Variants in CFAP206 observed in about 807,000 individuals in gnomAD.
CFAP206 encodes the protein cilia- and flagella-associated protein 206.
Under a neutral mutation model 65.4 loss-of-function variants are expected in CFAP206, and 53 were observed. The observed-to-expected ratio is 0.81, with a 90% confidence interval of 0.65 to 1.02. CFAP206 has a LOEUF of 1.02. Among genes scored for constraint, CFAP206 ranks in the 50% least tolerant of loss-of-function variants. CFAP206 has a pLI of 0.00. For missense variants in CFAP206, 663 were observed against 753.2 expected (o/e 0.88, Z 1.40); for synonymous variants, 250 against 254.4 (o/e 0.98, Z 0.17).
chr6:87,457,169 A>G (rs1002059647), intron 11 of CFAP206, among the ~76,000 whole-genome samples: 3 of 150,698 alleles, frequency 2.0e-5, no homozygotes, highest in African/African-American at 4.9e-5. Context: ...AAAAAAAAGA[A>G]AAGAAATTGA....
chr6:87,463,022 T>C (rs568643463), intron 12 of CFAP206, among the ~76,000 whole-genome samples: 313 of 152,316 alleles, frequency 2.1e-3, no homozygotes, highest in Non-Finnish European at 3.3e-3. Flanking sequence ...TTCCAATGAC[T>C]GAGGTGGACT....
chr6:87,442,152 T>C, intron 11 of CFAP206: 1 of 157,604 alleles, frequency 6.3e-6, no homozygotes, highest in East Asian at 1.9e-4. Context: ...TCCATCATCG[T>C]GAGACTAGAG....
intron 8 of CFAP206, among the ~76,000 whole-genome samples, chr6:87,427,274 A>G (rs1768058793): frequency 6.6e-6 from 1 of 152,106 alleles, no homozygotes; most frequent in Non-Finnish European, 1.5e-5. Flanking sequence ...AGTAGCTGGG[A>G]CTACAGGCGC....
At chr6:87,433,780 TA>T (rs1218017671) in intron 10 of CFAP206, among the ~76,000 whole-genome samples, 1 of 152,102 alleles carries the variant, frequency 6.6e-6, no homozygotes, top group Non-Finnish European at 1.5e-5. Flanking sequence ...TTTAGCAAAA[TA>T]AAAGCATAAC....
At chr6:87,449,515 T>C (rs971125682) in intron 11 of CFAP206, among the ~76,000 whole-genome samples, 1 of 151,934 alleles carries the variant, frequency 6.6e-6, no homozygotes, top group Non-Finnish European at 1.5e-5. Context: ...GTCTTTTTTA[T>C]AATAGGCATT....
chr6:87,427,374 C>T lies in CFAP206; in HGVS notation c.960+729C>T, dbSNP rs183759101. Among the ~76,000 whole-genome samples, 420 of 152,230 alleles carry T rather than the reference C, an allele frequency of 2.8e-3. 2 individuals are homozygous for T. Among genetic ancestry groups the T allele is most frequent in the Non-Finnish European group, 3.6e-3 (244 of 68,008 alleles). Reference sequence around the variant, plus strand: ...CAGGATGGTCTTGATCTCCTGACCTCGTGATCTGCCCGCCTCGGCCTCCCA... The same window carrying T: ...CAGGATGGTCTTGATCTCCTGACCTTGTGATCTGCCCGCCTCGGCCTCCCA... On this transcript the variant is annotated intron_variant, in intron 8 of 12. Transcript: ENST00000369562.
intron 8 of CFAP206, 118 bp downstream of exon 8, chr6:87,426,763 T>C (rs1768050521): frequency 1.2e-6 from 1 of 837,448 alleles, no homozygotes; most frequent in Non-Finnish European, 1.6e-6. Context: ...TTTGTATAAA[T>C]TGATCCTGTT....
At position 87,415,844 on chromosome 6, in the gene CFAP206, A is replaced by G. The variant is rs139103552; in HGVS notation, c.442A>G (p.Thr148Ala). 8.7e-6 allele frequency: 14 copies of G among 1,604,028 alleles called. No homozygotes were observed. In the African/African-American group the frequency reaches 1.2e-4, roughly 14 times the overall value. The change falls in exon 5 of 13, where the codon ACA becomes GCA. Residue 148 changes from threonine (T) to alanine (A), a missense_variant. Coordinates refer to ENST00000369562, the MANE Select transcript of CFAP206 (RefSeq NM_001031743.3). ...ACTCCGCTCTGGCCTTGGATCCCCT[A>G]CAGACATCAAGACTGTCAGAGAGGT... is the stretch of plus-strand genomic sequence containing the variant. ...VLLRSGLGSP[T>A]DIKTVREVTA...
intron 11 of CFAP206, among the ~76,000 whole-genome samples, chr6:87,445,827 T>G (rs1415313575): frequency 6.6e-6 from 1 of 152,212 alleles, no homozygotes; most frequent in African/African-American, 2.4e-5. Flanking sequence ...CCACTAACTA[T>G]AAAAGCATTG....
At chr6:87,435,271 T>C (rs1768239186) in intron 11 of CFAP206, 1 of 382,024 alleles carries the variant, frequency 2.6e-6, no homozygotes, top group Non-Finnish European at 4.8e-6. Flanking sequence ...AATTAGGAAA[T>C]GGGGAAAATC....
At chr6:87,425,373 G>A (rs1768022569) in intron 7 of CFAP206, among the ~76,000 whole-genome samples, 1 of 152,098 alleles carries the variant, frequency 6.6e-6, no homozygotes, top group Admixed American at 6.5e-5. Flanking sequence ...AAAAACTTTA[G>A]GATACATGAA....
At chr6:87,413,423 A>G (rs1439157924) in intron 3 of CFAP206, among the ~76,000 whole-genome samples, 1 of 152,186 alleles carries the variant, frequency 6.6e-6, no homozygotes, top group African/African-American at 2.4e-5. Context: ...AATAATATGT[A>G]CCCAGGGACA....
At chr6:87,426,699 T>A (rs2127950895) in intron 8 of CFAP206, 54 bp downstream of exon 8, 1 of 1,341,196 alleles carries the variant, frequency 7.5e-7, no homozygotes, top group Non-Finnish European at 9.9e-7. Context: ...TTGAGCCCTA[T>A]AATATTGGAT....
chr6:87,458,763 G>A (rs1394908278), intron 11 of CFAP206, among the ~76,000 whole-genome samples: 1 of 152,056 alleles, frequency 6.6e-6, no homozygotes, highest in Non-Finnish European at 1.5e-5. Context: ...AACAGGGTGA[G>A]TACAGTCAGC....
chr6:87,434,107 A>AG (rs1380245768), intron 10 of CFAP206, among the ~76,000 whole-genome samples: 1 of 151,722 alleles, frequency 6.6e-6, no homozygotes, highest in East Asian at 1.9e-4. Context: ...CTCAAAAAAA[A>AG]AAGGAGTGGA....
At chr6:87,415,664 C>T (rs370204040) in intron 4 of CFAP206, 22 bp from the exon 5 acceptor site, 11 of 1,592,722 alleles carry the variant, frequency 6.9e-6, no homozygotes, top group Non-Finnish European at 7.7e-6. Flanking sequence ...ATATATAGAA[C>T]ATTGTTATTT....
chr6:87,451,349 C>G (rs944772322), intron 11 of CFAP206, among the ~76,000 whole-genome samples: 1 of 152,102 alleles, frequency 6.6e-6, no homozygotes, highest in African/African-American at 2.4e-5. Flanking sequence ...TAAAATAAAG[C>G]TCCAAGCAGA....
intron 7 of CFAP206, among the ~76,000 whole-genome samples, chr6:87,421,239 A>C (rs1210794269): frequency 1.3e-5 from 2 of 152,208 alleles, no homozygotes; most frequent in Non-Finnish European, 2.9e-5. Flanking sequence ...TAATCCCAGC[A>C]CTTTGGGAGG....
intron 11 of CFAP206, among the ~76,000 whole-genome samples, chr6:87,453,252 A>G (rs1768575668): frequency 6.6e-6 from 1 of 152,188 alleles, no homozygotes; most frequent in Non-Finnish European, 1.5e-5. Context: ...TCCTTCAAAC[A>G]TGAAGGAAAA....
Sources: allele counts gnomAD v4.1 joint callset (sites outside exome capture counted in the v4.1 genomes callset), GRCh38; gene constraint gnomAD v4.1.1; transcripts MANE v1.5; gene names NCBI Gene and HGNC (gene_info 2026-07-23, HGNC 2026-07-21).